NREP: variants seen among roughly 807,000 people sequenced by gnomAD.
NREP encodes the protein neuronal regeneration-related protein.
In NREP, 5 loss-of-function variants were observed where a neutral mutation model predicts 8.6. The ratio of observed to expected loss-of-function variants is 0.58; its 90% CI spans 0.30 to 1.22. NREP has a LOEUF of 1.22. NREP is among the 50% of genes most tolerant of loss of function. The probability of loss-of-function intolerance (pLI) is 0.07; values close to 1 mark genes in which losing one functional copy is unlikely to be tolerated. For missense variants in NREP, 86 were observed against 82.5 expected (o/e 1.04, Z -0.17); for synonymous variants, 27 against 28.0 (o/e 0.96, Z 0.11).
At chr5:111,779,381 C>T (rs1329464715) in intron 2 of NREP, among the ~76,000 whole-genome samples, 1 of 152,152 alleles carries the variant, frequency 6.6e-6, no homozygotes, top group Non-Finnish European at 1.5e-5. Context: ...CTGTCTCTGC[C>T]GGGAGGTTTG....
intron 2 of NREP, among the ~76,000 whole-genome samples, chr5:111,802,059 A>C (rs1414772018): frequency 1.3e-5 from 2 of 152,162 alleles, no homozygotes; most frequent in African/African-American, 2.4e-5. Context: ...CAGAGGGCCC[A>C]GCCATCTGTA....
intron 2 of NREP, among the ~76,000 whole-genome samples, chr5:111,934,649 C>T (rs956776213): frequency 3.3e-5 from 5 of 151,970 alleles, no homozygotes; most frequent in Admixed American, 2.0e-4. Context: ...AATGTATGGC[C>T]GCAGTTCCAT....
At chr5:111,890,960 G>A (rs1333408855) in intron 2 of NREP, among the ~76,000 whole-genome samples, 1 of 152,222 alleles carries the variant, frequency 6.6e-6, no homozygotes, top group East Asian at 1.9e-4. Context: ...CTAGCAAGAG[G>A]TTGCACAGCA....
intron 2 of NREP, among the ~76,000 whole-genome samples, chr5:111,883,328 C>T (rs1184131739): frequency 2.0e-5 from 3 of 152,074 alleles, no homozygotes; most frequent in Non-Finnish European, 2.9e-5. Flanking sequence ...CAAAGCAAGT[C>T]CTGAGTGACC....
chr5:111,886,263 C>T (rs529124401), intron 2 of NREP, among the ~76,000 whole-genome samples: 8 of 152,242 alleles, frequency 5.3e-5, no homozygotes, highest in African/African-American at 7.2e-5. Context: ...AAATCAAAAC[C>T]GCAATGAGAT....
chr5:111,800,667 A>G (rs1393060192), intron 2 of NREP, among the ~76,000 whole-genome samples: 3 of 152,222 alleles, frequency 2.0e-5, no homozygotes, highest in Non-Finnish European at 4.4e-5. Context: ...AGGTAGATTT[A>G]AAAATGAAAT....
chr5:111,931,217 T>G (rs1755528059), intron 2 of NREP, among the ~76,000 whole-genome samples: 1 of 152,010 alleles, frequency 6.6e-6, no homozygotes, highest in Non-Finnish European at 1.5e-5. Context: ...TCCCCTACCT[T>G]GAGTATGATT....
intron 2 of NREP, among the ~76,000 whole-genome samples, chr5:111,965,128 T>A (rs540480045): frequency 7.9e-5 from 12 of 152,184 alleles, no homozygotes; most frequent in African/African-American, 2.9e-4. Context: ...CAGCTCCAGA[T>A]ATTATATACA....
rs1449530415 is a variant in NREP at position 111,729,344 on chromosome 5, A to AAT, written c.*1575_*1576dup. ...GTATTTATTGAACAAATACTACTAA[A>AAT]ATAGCTAAAATACATTGGGTACTTG... On this transcript the variant is annotated 3_prime_UTR_variant, in exon 4 of 4. Transcript: ENST00000257435. 6.6e-6 allele frequency: 1 copy of AAT among 152,214 alleles called. No individual in the cohort carries two copies. The highest frequency in any genetic ancestry group is 2.4e-5 in the African/African-American group (1 of 41,456). The allele number at this position is 152,214 out of a possible 1,614,324, so 9.4% of individuals were successfully genotyped here. A position where few individuals can be genotyped will look rare whatever the true frequency, so the allele number is the denominator to read the frequency against.
chr5:111,946,406 T>C (rs921025269), intron 2 of NREP, among the ~76,000 whole-genome samples: 2 of 152,058 alleles, frequency 1.3e-5, no homozygotes, highest in Non-Finnish European at 2.9e-5. Flanking sequence ...AGATTTTCAT[T>C]TTAAAGCCTT....
intron 2 of NREP, among the ~76,000 whole-genome samples, chr5:111,885,004 G>A: frequency 6.6e-6 from 1 of 152,168 alleles, no homozygotes; most frequent in Non-Finnish European, 1.5e-5. Flanking sequence ...GAAATAAAGA[G>A]TATTCAATTA....
chr5:111,771,426 T>C (rs914500438), intron 2 of NREP, among the ~76,000 whole-genome samples: 2 of 147,200 alleles, frequency 1.4e-5, no homozygotes, highest in African/African-American at 5.0e-5. Flanking sequence ...CATAGTCTTT[T>C]ACACACACAC....
chr5:111,816,864 A>C (rs899124367), intron 2 of NREP, among the ~76,000 whole-genome samples: 2 of 151,906 alleles, frequency 1.3e-5, no homozygotes, highest in Non-Finnish European at 2.9e-5. Flanking sequence ...TCACTATAAC[A>C]ACCAAAAATT....
upstream of NREP, chr5:111,757,896 C>T (rs1041139820): frequency 2.0e-6 from 2 of 984,988 alleles, no homozygotes; most frequent in African/African-American, 1.7e-5. Flanking sequence ...CCCGGCGGCC[C>T]GCCAGGGCCG....
intron 2 of NREP, among the ~76,000 whole-genome samples, chr5:111,800,630 C>G (rs901228930): frequency 1.3e-5 from 2 of 152,130 alleles, no homozygotes; most frequent in Admixed American, 6.5e-5. Flanking sequence ...GGGAGTTGAG[C>G]AAGATTCAAA....
At chr5:111,852,669 G>C (rs1396817139) in intron 2 of NREP, among the ~76,000 whole-genome samples, 2 of 152,046 alleles carry the variant, frequency 1.3e-5, no homozygotes, top group African/African-American at 4.8e-5. Context: ...TGTGGGGGAG[G>C]GGGTGTGTAT....
rs372500689 is a variant in NREP, at chr5:111,884,062, C to T, written c.135+91212G>A. The stretch of plus-strand genomic sequence containing the variant: ...TGGTTTTTTGAAAGGATCAACAAAA[C>T]TGATAGACCACTAGGAAGACCAATA... On this transcript the variant is annotated intron_variant, in intron 2 of 3. Transcript: ENST00000395634. Among the ~76,000 whole-genome samples, 94 of 152,132 alleles carry T rather than the reference C, an allele frequency of 6.2e-4. 2 individuals carry two copies. In the South Asian group the frequency reaches 0.017, roughly 27 times the overall value.
At chr5:111,924,266 T>C (rs1430994702) in intron 2 of NREP, among the ~76,000 whole-genome samples, 1 of 152,114 alleles carries the variant, frequency 6.6e-6, no homozygotes, top group Non-Finnish European at 1.5e-5. Context: ...CAGAGAAGAA[T>C]AGCATCTACA....
At chr5:111,781,262 A>T (rs1331184003) in intron 2 of NREP, among the ~76,000 whole-genome samples, 1 of 152,128 alleles carries the variant, frequency 6.6e-6, no homozygotes, top group Non-Finnish European at 1.5e-5. Flanking sequence ...GGCTCGGTCA[A>T]AAAGGTAACA....
Sources: allele counts gnomAD v4.1 joint callset (sites outside exome capture counted in the v4.1 genomes callset), GRCh38; gene constraint gnomAD v4.1.1; transcripts MANE v1.5; gene names NCBI Gene and HGNC (gene_info 2026-07-23, HGNC 2026-07-21).